The following RIPOR3 variants were observed in gnomAD, a reference collection of about 807,000 sequenced individuals.
RIPOR3 encodes RIPOR family member 3, also known as family with sequence similarity 65 member C.
RIPOR3 carries 95 observed loss-of-function variants against 114.3 expected under a neutral mutation model. That is an observed-to-expected ratio of 0.83 (90% CI 0.70 to 0.99). RIPOR3 has a LOEUF of 0.99. Ranked by LOEUF, RIPOR3 falls within the 50% of genes least tolerant of loss-of-function variation. RIPOR3 has a pLI of 0.00. For synonymous variants in RIPOR3, 575 were observed against 543.8 expected (o/e 1.06, Z -0.80); for missense variants, 1,252 against 1,266.9 (o/e 0.99, Z 0.18).
chr20:50,649,457 G>A (rs1176378253), intron 1 of RIPOR3, among the ~76,000 whole-genome samples: 1 of 152,086 alleles, frequency 6.6e-6, no homozygotes, highest in African/African-American at 2.4e-5. Flanking sequence ...AAGAAAAGAT[G>A]TAGGCCCCTG....
chr20:50,669,596 G>C (rs145862631), intron 1 of RIPOR3, among the ~76,000 whole-genome samples: 3 of 152,300 alleles, frequency 2.0e-5, no homozygotes, highest in Admixed American at 6.5e-5. Flanking sequence ...CTGACCCTCT[G>C]GGGGCTTGGG....
intron 19 of RIPOR3, 70 bp downstream of exon 19, chr20:50,592,274 A>G: frequency 2.1e-6 from 3 of 1,446,706 alleles, no homozygotes; most frequent in South Asian, 1.5e-5. Flanking sequence ...GTACTTTTCC[A>G]TGAGAACACC....
chr20:50,588,749 G>GAAAAAAAAAAAAAAA (rs869194473), intron 20 of RIPOR3, among the ~76,000 whole-genome samples: 1 of 58,450 alleles, frequency 1.7e-5, no homozygotes, highest in Non-Finnish European at 3.4e-5. Flanking sequence ...ATTCTCAAGT[G>GAAAAAAAAAAAAAAA]AAAAAAAAAA....
At chr20:50,675,868 A>C (rs2086661785) in intron 1 of RIPOR3, among the ~76,000 whole-genome samples, 1 of 152,186 alleles carries the variant, frequency 6.6e-6, no homozygotes, top group Admixed American at 6.5e-5. Flanking sequence ...GGGCAAGTCG[A>C]ACGGCAGACG....
rs534364260 is a variant in RIPOR3 at position 50,596,617 on chromosome 20, C to T, written c.1791-354G>A. Among the ~76,000 whole-genome samples the T allele has an allele frequency of 1.1e-4, 17 of 152,262 alleles. No individual in the cohort carries two copies. The South Asian group carries it at 2.7e-3, about 24-fold the overall frequency. On this transcript the variant is annotated intron_variant, in intron 14 of 21. Coordinates refer to ENST00000327979, the MANE Select transcript of RIPOR3 (RefSeq NM_001290268.2). ...GAGGCAGGAGCCCCACACTCAAGGC[C>T]GTGAGGGGTGCATGAAATACGGTGG... is the stretch of plus-strand genomic sequence containing the variant.
At position 50,649,444 on chromosome 20, in the gene RIPOR3, AAAAAG is replaced by A. The variant is rs1173720791; in HGVS notation, c.4-18593_4-18589del. 2.0e-5 allele frequency among the ~76,000 whole-genome samples: 3 copies of A among 152,262 alleles called. No homozygotes were observed. In the East Asian group the frequency reaches 5.8e-4, roughly 29 times the overall value. ...TGGCTACAGAGCAAGCCATCTCAAAAAAAAGAAAAGATGTAGGCCCCTGGGAAGGA... is the reference window on the plus strand; with the variant it reads ...TGGCTACAGAGCAAGCCATCTCAAAAAAAAGATGTAGGCCCCTGGGAAGGA... On this transcript the variant is annotated intron_variant, in intron 1 of 21. Transcript: ENST00000327979.
intron 2 of RIPOR3, among the ~76,000 whole-genome samples, chr20:50,629,223 G>A (rs537575761): frequency 6.6e-6 from 1 of 152,296 alleles, no homozygotes; most frequent in Non-Finnish European, 1.5e-5. Context: ...AGGGTTTCAA[G>A]TCGGGGAAGA....
chr20:50,588,749 GAAAAAAAAAAA>G (rs869194473), intron 20 of RIPOR3, among the ~76,000 whole-genome samples: 7 of 58,454 alleles, frequency 1.2e-4, no homozygotes, highest in Admixed American at 7.4e-4. Context: ...ATTCTCAAGT[GAAAAAAAAAAA>G]AAAAAAAAGA....
At chr20:50,622,569 G>A (rs1180259351) in intron 2 of RIPOR3, among the ~76,000 whole-genome samples, 1 of 152,090 alleles carries the variant, frequency 6.6e-6, no homozygotes, top group Non-Finnish European at 1.5e-5. Flanking sequence ...GCTGGAAGCA[G>A]CTTCAACCCA....
chr20:50,609,434 CAG>C, intron 7 of RIPOR3, 78 bp from the exon 8 acceptor site: 2 of 1,552,946 alleles, frequency 1.3e-6, no homozygotes, highest in South Asian at 2.4e-5. Context: ...TGCAGCCAGA[CAG>C]AGGCCACAGG....
At position 50,597,651 on chromosome 20, in the gene RIPOR3, C is replaced by T. The variant is rs35976890; in HGVS notation, c.1719G>A (p.Glu573=). 108,814 of 1,612,122 alleles carry T rather than the reference C, an allele frequency of 0.067. 4,169 individuals are homozygous for T. Among genetic ancestry groups the T allele is most frequent in the Non-Finnish European group, 0.079 (93,393 of 1,179,062 alleles). ...AGTCGGCATTGAGGAAGGCGAAGCT[C>T]TCCAGGATGCACTCCATCAGGCTCT... is the stretch of plus-strand genomic sequence containing the variant. ...SAESLMECIL[E]SFAFLNADFA... The change falls in exon 14 of 22, where the codon GAG becomes GAA. Residue 573 remains glutamate, a synonymous_variant. Transcript: ENST00000327979.
rs2082921680 is a variant in RIPOR3 at position 50,586,276 on chromosome 20, A to G, written c.*956T>C. Reference sequence around the variant, plus strand: ...CCAATGCCATTGCTACAGCAACCTCAAACCCTAGGTTCTCTCTGCACTATT... The same window carrying G: ...CCAATGCCATTGCTACAGCAACCTCGAACCCTAGGTTCTCTCTGCACTATT... On this transcript the variant is annotated 3_prime_UTR_variant, in exon 22 of 22. Coordinates refer to ENST00000327979, the MANE Select transcript of RIPOR3 (RefSeq NM_001290268.2). 2 of 153,624 alleles carry G rather than the reference A, an allele frequency of 1.3e-5. No homozygotes were observed. Among genetic ancestry groups the G allele is most frequent in the African/African-American group, 4.8e-5 (2 of 41,482 alleles). 9.5% of individuals were successfully genotyped at this position (153,624 alleles called of 1,614,324 possible).
chr20:50,618,007 T>C (rs1049495094), intron 3 of RIPOR3, among the ~76,000 whole-genome samples: 2 of 152,116 alleles, frequency 1.3e-5, no homozygotes, highest in Non-Finnish European at 2.9e-5. Context: ...GGCTTATGCC[T>C]GTAATCCCAG....
At chr20:50,649,126 T>C (rs1394140736) in intron 1 of RIPOR3, among the ~76,000 whole-genome samples, 1 of 152,160 alleles carries the variant, frequency 6.6e-6, no homozygotes, top group East Asian at 1.9e-4. Context: ...TCACAGCTCT[T>C]CCTCTTCTTA....
chr20:50,604,607 G>A (rs762990952), intron 12 of RIPOR3, 38 bp downstream of exon 12: 3 of 1,576,774 alleles, frequency 1.9e-6, no homozygotes, highest in East Asian at 2.3e-5. Context: ...CCATCCCAGG[G>A]TGACCACAGC....
chr20:50,637,533 C>T (rs960675080), intron 1 of RIPOR3, among the ~76,000 whole-genome samples: 1 of 152,104 alleles, frequency 6.6e-6, no homozygotes, highest in African/African-American at 2.4e-5. Context: ...AGAATCTTCG[C>T]TCCAGGGAGC....
intron 15 of RIPOR3, among the ~76,000 whole-genome samples, chr20:50,595,825 C>T (rs997123605): frequency 6.6e-6 from 1 of 152,234 alleles, no homozygotes; most frequent in Non-Finnish European, 1.5e-5. Flanking sequence ...AAGCCTACCT[C>T]TGAGGCTTTC....
chr20:50,628,915 G>A (rs1168396942), intron 2 of RIPOR3, among the ~76,000 whole-genome samples: 3 of 152,200 alleles, frequency 2.0e-5, no homozygotes, highest in Non-Finnish European at 2.9e-5. Flanking sequence ...GTGGAGGTGG[G>A]GTCCTATCCC....
intron 1 of RIPOR3, among the ~76,000 whole-genome samples, chr20:50,650,683 G>A (rs2085569952): frequency 6.6e-6 from 1 of 152,146 alleles, no homozygotes; most frequent in South Asian, 2.1e-4. Flanking sequence ...TAATCAGTCT[G>A]TAATCCACAA....
Sources: gnomAD v4.1 joint callset for allele counts (sites outside exome capture counted in the v4.1 genomes callset) on GRCh38, gnomAD v4.1.1 for gene constraint, MANE v1.5 for transcripts, NCBI Gene and HGNC (gene_info 2026-07-23, HGNC 2026-07-21) for gene names.